The following TBC1D8B variants were observed in gnomAD, a reference collection of about 807,000 sequenced individuals.
TBC1D8B encodes TBC1 domain family member 8B, also known as RP11-321G1.1.
Under a neutral mutation model 82.9 loss-of-function variants are expected in TBC1D8B, and 75 were observed. The observed-to-expected ratio is 0.90, with a 90% CI of 0.75 to 1.10. TBC1D8B has a LOEUF of 1.10. Among genes scored for constraint, TBC1D8B ranks in the 50% least tolerant of loss-of-function variants. TBC1D8B has a pLI of 0.00. For missense variants in TBC1D8B, 794 were observed against 796.9 expected, an observed-to-expected ratio of 1.00 and a Z score of 0.04; for synonymous variants, 276 against 276.8, an observed-to-expected ratio of 1.00 and a Z score of 0.03.
At chrX:106,843,734 G>GA (rs1352910321) in intron 10 of TBC1D8B, among the ~76,000 whole-genome samples, 15 of 103,320 alleles carry the variant, frequency 1.5e-4, no homozygotes, top group African/African-American at 2.4e-4. Flanking sequence ...CTGCAAACAA[G>GA]AAAAAAAAAA....
At chrX:106,839,972 A>T (rs957011864) in intron 8 of TBC1D8B, 76 bp from the exon 9 acceptor site, 4 of 1,030,973 alleles carry the variant, frequency 3.9e-6, no homozygotes, top group Non-Finnish European at 5.2e-6. Context: ...TTTCAAGGTA[A>T]AGAGAGTGGG....
chrX:106,811,579 A>G lies in TBC1D8B; in HGVS notation c.131-7084A>G, dbSNP rs756589417. 9.8e-5 allele frequency among the ~76,000 whole-genome samples: 11 copies of G among 111,843 alleles called. No homozygotes were observed. The South Asian group carries it at 4.1e-3, about 42-fold the overall frequency. ...AATCACATTTTCTGATTATTATTAT[A>G]ATATTAGTTGCTCTCTTGTTTTAAA... On this transcript the variant is annotated intron_variant, in intron 1 of 20. Coordinates refer to ENST00000357242, the MANE Select transcript of TBC1D8B (RefSeq NM_017752.3).
chrX:106,819,801 T>TA (rs201585200), intron 2 of TBC1D8B, among the ~76,000 whole-genome samples: 204 of 110,586 alleles, frequency 1.8e-3, no homozygotes, highest in African/African-American at 6.2e-3. Flanking sequence ...TTATTTTTTT[T>TA]AAAAAAAGGC....
chrX:106,873,905 T>C lies in TBC1D8B; in HGVS notation c.3303T>C (p.Asp1101=), dbSNP rs766163543. Reference sequence around the variant, plus strand: ...TGAGGTTTTTTGAGAAACCCATAGATGTAAAAGCCAAGCTGGAAAATGCAA... The same window carrying C: ...TGAGGTTTTTTGAGAAACCCATAGACGTAAAAGCCAAGCTGGAAAATGCAA... ...ALVRFFEKPI[D]VKAKLENARI... is the part of the protein sequence containing the mutation. Residue 1101 remains aspartate (D), a synonymous_variant, in exon 21 of 21, where the codon GAT becomes GAC. Transcript: ENST00000357242. 8.3e-6 allele frequency: 10 copies of C among 1,205,365 alleles called. No homozygotes were observed. In the South Asian group the frequency reaches 1.6e-4, roughly 20 times the overall value.
intron 7 of TBC1D8B, among the ~76,000 whole-genome samples, chrX:106,832,333 A>G (rs1265129241): frequency 1.8e-5 from 2 of 111,908 alleles, no homozygotes; most frequent in Admixed American, 9.5e-5. Flanking sequence ...TTAATAAGTT[A>G]TACTAAAATC....
intron 2 of TBC1D8B, among the ~76,000 whole-genome samples, chrX:106,818,988 C>A (rs1931624410): frequency 9.4e-6 from 1 of 106,197 alleles, no homozygotes; most frequent in African/African-American, 3.4e-5. Context: ...GGACCTGAAG[C>A]ATGTGGTCTA....
intron 3 of TBC1D8B, 135 bp from the exon 4 acceptor site, chrX:106,821,842 G>A: frequency 3.7e-6 from 2 of 535,972 alleles, no homozygotes; most frequent in Non-Finnish European, 5.8e-6. Context: ...TCCCTGGTTG[G>A]TTGAATCCAT....
chrX:106,841,047 G>A (rs1363233799), intron 10 of TBC1D8B, among the ~76,000 whole-genome samples, 163 bp downstream of exon 10: 1 of 111,639 alleles, frequency 9.0e-6, no homozygotes, highest in Non-Finnish European at 1.9e-5. Context: ...ATACTTAGGA[G>A]AATTGATATT....
chrX:106,873,517 A>G, intron 20 of TBC1D8B, 53 bp from the exon 21 acceptor site: 2 of 1,100,761 alleles, frequency 1.8e-6, no homozygotes, highest in Non-Finnish European at 1.2e-6. Flanking sequence ...AGTTCTCTTT[A>G]TATTTGCTAA....
At chrX:106,848,817 G>A (rs938202213) in intron 11 of TBC1D8B, among the ~76,000 whole-genome samples, 8 of 109,765 alleles carry the variant, frequency 7.3e-5, no homozygotes, top group African/African-American at 1.7e-4. Context: ...TTGCTCTGTC[G>A]CCCAGGCTGG....
At chrX:106,860,862 A>G (rs1027649032) in intron 14 of TBC1D8B, among the ~76,000 whole-genome samples, 1 of 111,712 alleles carries the variant, frequency 9.0e-6, no homozygotes, top group Non-Finnish European at 1.9e-5. Context: ...GTAAGCATTT[A>G]TGCTGTAAAC....
In TBC1D8B at chrX:106,822,027, T is replaced by G. The variant is rs770268339; in HGVS notation, c.411T>G (p.Pro137=). The G allele has an allele frequency of 2.5e-6, 3 of 1,211,106 alleles. No homozygotes were observed. Among genetic ancestry groups the G allele is most frequent in the Admixed American group, 4.4e-5 (2 of 45,959 alleles). Residue 137 remains proline (P), a synonymous_variant, in exon 4 of 21, where the codon CCT becomes CCG. Coordinates refer to ENST00000357242, the MANE Select transcript of TBC1D8B (RefSeq NM_017752.3). ...ATTGTTTTGCAAAAGAAGATGATCC[T>G]GAGAAATTTCGAGAAGCCCTTTTGA... The part of the protein sequence containing the change: ...GKHCFAKEDD[P]EKFREALLKF...
intron 5 of TBC1D8B, among the ~76,000 whole-genome samples, chrX:106,825,817 TA>T (rs1931823668): frequency 9.0e-6 from 1 of 111,649 alleles, no homozygotes; most frequent in Non-Finnish European, 1.9e-5. Context: ...AATCTACTAA[TA>T]AAATGAAATT....
At chrX:106,866,479 T>C (rs781526748) in intron 16 of TBC1D8B, among the ~76,000 whole-genome samples, 1 of 112,139 alleles carries the variant, frequency 8.9e-6, no homozygotes, top group African/African-American at 3.2e-5. Context: ...CATGCTTTCT[T>C]ATCAGGGATC....
intron 14 of TBC1D8B, among the ~76,000 whole-genome samples, chrX:106,865,129 G>A (rs774361444): frequency 9.0e-6 from 1 of 111,440 alleles, no homozygotes; most frequent in East Asian, 2.8e-4. Context: ...CTTGGATTAT[G>A]TTTTTTGGCA....
At chrX:106,849,187 G>A (rs1932530028) in intron 11 of TBC1D8B, 4 of 1,068,445 alleles carry the variant, frequency 3.7e-6, no homozygotes, top group Non-Finnish European at 5.0e-6. Context: ...TTAGGTCATC[G>A]ATTTTACTGT....
intron 10 of TBC1D8B, among the ~76,000 whole-genome samples, chrX:106,843,619 C>T (rs1211147237): frequency 9.0e-6 from 1 of 111,269 alleles, no homozygotes; most frequent in Non-Finnish European, 1.9e-5. Flanking sequence ...GTAAGTTTTG[C>T]AATCAGGAAG....
chrX:106,872,453 ATT>A (rs1171276170), intron 20 of TBC1D8B, among the ~76,000 whole-genome samples: 2 of 18,340 alleles, frequency 1.1e-4, no homozygotes, highest in African/African-American at 3.2e-4. Flanking sequence ...CCAGAAAAAT[ATT>A]TATATATATA....
chrX:106,874,572 C>T lies in TBC1D8B; in HGVS notation c.*607C>T, dbSNP rs961375614. 1.8e-5 allele frequency: 2 copies of T among 111,273 alleles called. No individual in the cohort carries two copies. The highest frequency in any genetic ancestry group is 3.8e-5 in the Non-Finnish European group (2 of 53,071). The allele number at this position is 111,273 out of a possible 1,213,427, so 9.2% of individuals were successfully genotyped here. ...TAAGTACCTTCTACAGTCTTCCTAC[C>T]TGAGGGGTTCAGAGGCTGCTGACTC... On this transcript the variant is annotated 3_prime_UTR_variant, in exon 21 of 21. Coordinates refer to ENST00000357242, the MANE Select transcript of TBC1D8B (RefSeq NM_017752.3).
Sources: gnomAD v4.1 joint callset for allele counts (sites outside exome capture counted in the v4.1 genomes callset) on GRCh38, gnomAD v4.1.1 for gene constraint, MANE v1.5 for transcripts, NCBI Gene and HGNC (gene_info 2026-07-23, HGNC 2026-07-21) for gene names.